Variants in GALNT11 observed in about 807,000 individuals in gnomAD.
GALNT11 encodes UDP-GalNAc:polypeptide N-acetylgalactosaminyltransferase 11.
A neutral mutation model predicts 72.7 loss-of-function variants in GALNT11; 47 were observed. That is an observed-to-expected ratio of 0.65 (90% CI 0.51 to 0.82). The LOEUF (loss-of-function observed/expected upper bound fraction) is 0.82, where lower values mean the gene tolerates loss of function less well. Among genes scored for constraint, GALNT11 ranks in the 40% least tolerant of loss-of-function variants. The pLI is 0.00. For synonymous variants in GALNT11, 270 were observed against 286.6 expected (o/e 0.94, Z 0.58); for missense variants, 677 against 778.4 (o/e 0.87, Z 1.55).
At chr7:152,045,015 T>C (rs1312616631) in intron 1 of GALNT11, among the ~76,000 whole-genome samples, 1 of 152,196 alleles carries the variant, frequency 6.6e-6, no homozygotes, top group Non-Finnish European at 1.5e-5. Context: ...TTTTACCAAA[T>C]TCTTTTTCAG....
chr7:152,092,599 T>A (rs1366307080), intron 1 of GALNT11, among the ~76,000 whole-genome samples: 2 of 152,202 alleles, frequency 1.3e-5, no homozygotes, highest in African/African-American at 4.8e-5. Flanking sequence ...TAGTTCTTGG[T>A]TGGCAGACAG....
At chr7:152,061,674 G>C (rs1348839645) in intron 1 of GALNT11, among the ~76,000 whole-genome samples, 1 of 151,730 alleles carries the variant, frequency 6.6e-6, no homozygotes, top group Non-Finnish European at 1.5e-5. Context: ...AAGGGATCCA[G>C]TTTCAGCTTT....
rs2086209023 is a variant in GALNT11, at chr7:152,094,001, A to T, written c.-38-189A>T. Reference sequence around the variant, plus strand: ...GTTGGTTCTCTGAGCATTAACCCACAGGCCTGAGGTTTTCATTGTTGAACC... The same window carrying T: ...GTTGGTTCTCTGAGCATTAACCCACTGGCCTGAGGTTTTCATTGTTGAACC... On this transcript the variant is annotated intron_variant, in intron 1 of 11. Coordinates refer to ENST00000430044, the MANE Select transcript of GALNT11 (RefSeq NM_022087.4). The surrounding 1 kb of genome is among the most constrained non-coding windows in gnomAD (Gnocchi z 4.3). 2 of 432,028 alleles carry T rather than the reference A, an allele frequency of 4.6e-6. No individual in the cohort carries two copies. The highest frequency in any genetic ancestry group is 4.1e-5 in the African/African-American group (2 of 49,066). The allele number at this position is 432,028 out of a possible 1,614,324, so 26.8% of individuals were successfully genotyped here.
At chr7:152,108,352 T>C (rs2087811715) in intron 6 of GALNT11, 65 bp downstream of exon 6, 2 of 1,534,226 alleles carry the variant, frequency 1.3e-6, no homozygotes, top group East Asian at 4.6e-5. Context: ...CAAAATGATA[T>C]TAAAGATAAT....
chr7:152,040,694 CTG>C (rs2082816229), intron 1 of GALNT11, among the ~76,000 whole-genome samples: 1 of 152,188 alleles, frequency 6.6e-6, no homozygotes, highest in South Asian at 2.1e-4. Context: ...TTTCAATTAA[CTG>C]TGTGGAATGA....
At chr7:152,120,998 T>C in intron 11 of GALNT11, 30 bp downstream of exon 11, 2 of 1,602,838 alleles carry the variant, frequency 1.2e-6, no homozygotes, top group Middle Eastern at 1.7e-4. Context: ...GTTGGGAGAA[T>C]GCGCAGAGGC....
At chr7:152,120,742 C>T in intron 10 of GALNT11, 89 bp from the exon 11 acceptor site, 3 of 1,185,962 alleles carry the variant, frequency 2.5e-6, no homozygotes, top group Non-Finnish European at 3.7e-6. Context: ...GCTTTGAGAC[C>T]TTACAGAATC....
intron 2 of GALNT11, among the ~76,000 whole-genome samples, chr7:152,098,953 A>G (rs1200656621): frequency 2.0e-5 from 3 of 151,854 alleles, no homozygotes; most frequent in African/African-American, 7.3e-5. Context: ...ACTGCATTCT[A>G]TTTTTTTTGA....
chr7:152,042,058 A>G (rs2082887185), intron 1 of GALNT11, among the ~76,000 whole-genome samples: 1 of 152,240 alleles, frequency 6.6e-6, no homozygotes, highest in Non-Finnish European at 1.5e-5. Context: ...TTTTATGAGT[A>G]GGTTCAATTG....
At position 152,094,473 on chromosome 7, in the gene GALNT11, T is replaced by A. The variant is rs1479728369; in HGVS notation, c.246T>A (p.Ser82Arg). 6.2e-7 allele frequency: 1 copy of A among 1,613,736 alleles called. No homozygotes were observed. Among genetic ancestry groups the A allele is most frequent in the South Asian group, 1.1e-5 (1 of 91,012 alleles). ...ACAAAATTGACGATGTGATAGACAGTCGTGTTGAAGATCCAGAAGAAGGCC... is the reference window on the plus strand; with the variant it reads ...ACAAAATTGACGATGTGATAGACAGACGTGTTGAAGATCCAGAAGAAGGCC... ...KANKIDDVID[S>R]RVEDPEEGHL... The change falls in exon 2 of 12, where the codon AGT becomes AGA. Residue 82 changes from serine (S) to arginine (R), a missense_variant. By Grantham distance (110) the Ser-to-Arg change is moderately radical. Transcript: ENST00000430044. The surrounding 1 kb of genome is among the most constrained non-coding windows in gnomAD (Gnocchi z 4.3).
At chr7:152,073,294 C>T (rs979182959) in intron 1 of GALNT11, among the ~76,000 whole-genome samples, 3 of 152,202 alleles carry the variant, frequency 2.0e-5, no homozygotes, top group Admixed American at 2.0e-4. Context: ...AAATCTCTTC[C>T]TATCTCCTCC....
At chr7:152,113,473 T>A in intron 8 of GALNT11, 75 bp downstream of exon 8, 1 of 1,526,288 alleles carries the variant, frequency 6.6e-7, no homozygotes, top group African/African-American at 1.4e-5. Context: ...CTTTAGTTGC[T>A]TACTTTTCAC....
intron 1 of GALNT11, among the ~76,000 whole-genome samples, chr7:152,071,063 G>A (rs904826598): frequency 6.6e-6 from 1 of 152,234 alleles, no homozygotes; most frequent in Non-Finnish European, 1.5e-5. Flanking sequence ...GGCAGGGAGA[G>A]ATCACAGGAC....
intron 4 of GALNT11, chr7:152,103,946 G>T (rs561298459): frequency 6.6e-6 from 1 of 152,226 alleles, no homozygotes; most frequent in East Asian, 1.9e-4. Flanking sequence ...TACACTGATC[G>T]TCCCCAGATA....
At chr7:152,039,216 A>G (rs1333590229) in intron 1 of GALNT11, among the ~76,000 whole-genome samples, 1 of 152,218 alleles carries the variant, frequency 6.6e-6, no homozygotes, top group Non-Finnish European at 1.5e-5. Flanking sequence ...ATCACTGCAC[A>G]GCACCTCTGC....
chr7:152,094,478 T>C lies in GALNT11; in HGVS notation c.251T>C (p.Val84Ala). ...NKIDDVIDSRVEDPEEGHLKF... is the reference protein window; with the variant it reads ...NKIDDVIDSRAEDPEEGHLKF... ...ATTGACGATGTGATAGACAGTCGTG[T>C]TGAAGATCCAGAAGAAGGCCACTTG... The change falls in exon 2 of 12, where the codon GTT becomes GCT. Residue 84 changes from valine to alanine, a missense_variant. Physicochemically the swap from Val to Ala is moderately conservative, Grantham distance 64. Transcript: ENST00000430044. This position sits in a 1 kb window ranked among gnomAD's most constrained non-coding sequence, Gnocchi z 4.3. 3 of 1,613,630 alleles carry C rather than the reference T, an allele frequency of 1.9e-6. No individual in the cohort carries two copies. Among genetic ancestry groups the C allele is most frequent in the South Asian group, 2.2e-5 (2 of 90,994 alleles).
At chr7:152,099,191 C>T (rs2086590604) in intron 2 of GALNT11, among the ~76,000 whole-genome samples, 1 of 152,228 alleles carries the variant, frequency 6.6e-6, no homozygotes, top group East Asian at 1.9e-4. Flanking sequence ...ATCCACCCAC[C>T]TTGGCCTCCC....
chr7:152,050,724 G>C lies in GALNT11; in HGVS notation c.-39+24840G>C, dbSNP rs570247099. On this transcript the variant is annotated intron_variant, in intron 1 of 11. Transcript: ENST00000430044. Reference sequence around the variant, plus strand: ...AGGAATTGCAGTCTTTGTGGTCTGGGCTGCTATTCAAGTTTATTTTGAATC... The same window carrying C: ...AGGAATTGCAGTCTTTGTGGTCTGGCCTGCTATTCAAGTTTATTTTGAATC... Among the ~76,000 whole-genome samples the C allele has an allele frequency of 2.7e-4, 41 of 152,306 alleles. 1 individual carries two copies. The highest frequency in any genetic ancestry group is 1.2e-3 in the Admixed American group (19 of 15,296).
At position 152,108,054 on chromosome 7, in the gene GALNT11, C is replaced by A. The variant is rs754959805; in HGVS notation, c.729C>A (p.Phe243Leu). The A allele has an allele frequency of 6.2e-7, 1 of 1,610,644 alleles. No individual in the cohort carries two copies. Among genetic ancestry groups the A allele is most frequent in the Non-Finnish European group, 8.5e-7 (1 of 1,177,256 alleles). Residue 243 changes from phenylalanine to leucine, a missense_variant, in exon 6 of 12, where the codon TTC becomes TTA. Phe to Leu is a conservative substitution (Grantham distance 22, BLOSUM62 0). Coordinates refer to ENST00000430044, the MANE Select transcript of GALNT11 (RefSeq NM_022087.4). ...CCTCCCCAGGAGAAGTCCTTGTGTT[C>A]CTGGACAGCCACTGTGAAGTGAATG... ...AAHATGEVLVFLDSHCEVNVM... is the reference protein window; with the variant it reads ...AAHATGEVLVLLDSHCEVNVM...
Sources: allele counts gnomAD v4.1 joint callset (sites outside exome capture counted in the v4.1 genomes callset), GRCh38; gene constraint gnomAD v4.1.1; non-coding constraint Gnocchi (gnomAD v3.1); transcripts MANE v1.5; gene names NCBI Gene and HGNC (gene_info 2026-07-23, HGNC 2026-07-21).